The following RDH16 variants were observed in gnomAD, a reference collection of about 807,000 sequenced individuals.
RDH16 encodes the protein human epidermal retinol dehydrogenase.
In RDH16, 25 loss-of-function variants were observed where a neutral mutation model predicts 22.3. The observed-to-expected ratio is 1.12, with a 90% confidence interval of 0.82 to 1.56. RDH16 has a LOEUF of 1.56. Ranked by LOEUF, RDH16 falls within the 40% of genes most tolerant of loss-of-function variation. The probability of loss-of-function intolerance (pLI) is 0.00; values close to 1 mark genes in which losing one functional copy is unlikely to be tolerated. For synonymous variants in RDH16, 154 were observed against 164.4 expected (o/e 0.94, Z 0.48); for missense variants, 413 against 394.9 (o/e 1.05, Z -0.39).
Position 56,957,594 on chromosome 12 carries a change from C to T in RDH16, c.-132G>A. The T allele has an allele frequency of 1.1e-6, 1 of 939,538 alleles. No homozygotes were observed. Among genetic ancestry groups the T allele is most frequent in the Non-Finnish European group, 1.6e-6 (1 of 625,786 alleles). The allele number at this position is 939,538 out of a possible 1,614,324, so 58.2% of individuals were successfully genotyped here. On this transcript the variant is annotated 5_prime_UTR_variant, in exon 1 of 4. Transcript: ENST00000398138. ...CCCTCAGGCATTTTGGCAGGGAATC[C>T]TCACTTTCCTCCCTGATGACTGCCT...
Position 56,952,119 on chromosome 12 carries a change from C to A in RDH16, c.864G>T (p.Lys288Asn). Residue 288 changes from lysine to asparagine, a missense_variant, in exon 4 of 4, where the codon AAG becomes AAT. Coordinates refer to ENST00000398138, the MANE Select transcript of RDH16 (RefSeq NM_003708.5). Reference protein sequence around the residue: ...RTRYSAGWDAKLLYLPMSYMP... With the variant: ...RTRYSAGWDANLLYLPMSYMP... The stretch of plus-strand genomic sequence containing the variant: ...TGTAGCTCATGGGGAGGTAGAGAAG[C>A]TTGGCATCCCAGCCAGCTGAGTAGC... 1.2e-6 allele frequency: 2 copies of A among 1,614,158 alleles called. No homozygotes were observed. The highest frequency in any genetic ancestry group is 3.3e-5 in the Admixed American group (2 of 60,020).
intron 2 of RDH16, among the ~76,000 whole-genome samples, chr12:56,953,753 TC>T (rs1955903627): frequency 6.6e-6 from 1 of 152,046 alleles, no homozygotes; most frequent in Non-Finnish European, 1.5e-5. Flanking sequence ...GAGTTCTCAA[TC>T]CCCAGCTTGA....
In RDH16 at chr12:56,951,927, C is replaced by A; in HGVS notation, c.*102G>T. Reference sequence around the variant, plus strand: ...TGAAGGAGGTGGGATTGGTGCCCTACTGACCGGACGGCTCCCTCCCTCCAC... The same window carrying A: ...TGAAGGAGGTGGGATTGGTGCCCTAATGACCGGACGGCTCCCTCCCTCCAC... On this transcript the variant is annotated 3_prime_UTR_variant, in exon 4 of 4. Coordinates refer to ENST00000398138, the MANE Select transcript of RDH16 (RefSeq NM_003708.5). The A allele has an allele frequency of 1.1e-6, 1 of 925,500 alleles. No homozygotes were observed. The allele number at this position is 925,500 out of a possible 1,614,324, so 57.3% of individuals were successfully genotyped here.
chr12:56,955,005 C>A lies in RDH16; in HGVS notation c.473G>T (p.Arg158Leu), dbSNP rs200197274. 1.2e-5 allele frequency: 20 copies of A among 1,614,072 alleles called. No individual in the cohort carries two copies. Among genetic ancestry groups the A allele is most frequent in the Non-Finnish European group, 1.7e-5 (20 of 1,180,040 alleles). Residue 158 changes from arginine to leucine, a missense_variant, in exon 2 of 4, where the codon CGT becomes CTT. Arg to Leu is a moderately radical substitution (Grantham distance 102, BLOSUM62 -2). Transcript: ENST00000398138. ...LLPLVRRARGRVVNVSSVMGR... is the reference protein window; with the variant it reads ...LLPLVRRARGLVVNVSSVMGR... ...CATGACACTGGAGACGTTGACCACA[C>A]GGCCCCTGGCCCTCCTCACTAAGGG...
At position 56,957,396 on chromosome 12, in the gene RDH16, C is replaced by A. The variant is rs377361228; in HGVS notation, c.67G>T (p.Val23Leu). The A allele has an allele frequency of 1.2e-6, 2 of 1,614,158 alleles. No homozygotes were observed. Among genetic ancestry groups the A allele is most frequent in the Admixed American group, 1.7e-5 (1 of 60,026 alleles). ...YLLHWYRERQVLSHLRDKYVF... is the reference protein window; with the variant it reads ...YLLHWYRERQLLSHLRDKYVF... ...TACTTATCTCTCAGGTGGCTCAGCA[C>A]CTGCCTCTCCCGGTACCAGTGCAGA... Residue 23 changes from valine (V) to leucine (L), a missense_variant, in exon 1 of 4, where the codon GTG becomes TTG. Physicochemically the swap from Val to Leu is conservative, Grantham distance 32. Transcript: ENST00000398138.
In RDH16 at chr12:56,957,417, G is replaced by A. The variant is rs1161140654; in HGVS notation, c.46C>T (p.His16Tyr). Residue 16 changes from histidine to tyrosine, a missense_variant, in exon 1 of 4, where the codon CAC becomes TAC. Coordinates refer to ENST00000398138, the MANE Select transcript of RDH16 (RefSeq NM_003708.5). ...AGCACCTGCCTCTCCCGGTACCAGT[G>A]CAGAAGGTAGTACAGGCCCACGAAA... The part of the protein sequence containing the change: ...AVFVGLYYLL[H>Y]WYRERQVLSH... The A allele has an allele frequency of 9.3e-6, 15 of 1,613,998 alleles. No homozygotes were observed. In the Admixed American group the frequency reaches 2.5e-4, roughly 27 times the overall value.
At chr12:56,952,318 T>A in intron 3 of RDH16, 72 bp from the exon 4 acceptor site, 1 of 1,428,166 alleles carries the variant, frequency 7.0e-7, no homozygotes, top group Non-Finnish European at 9.6e-7. Flanking sequence ...CAACTTAGAG[T>A]GGAAAGGGTC....
In RDH16 at chr12:56,951,988, G is replaced by A; in HGVS notation, c.*41C>T. On this transcript the variant is annotated 3_prime_UTR_variant, in exon 4 of 4. Coordinates refer to ENST00000398138, the MANE Select transcript of RDH16 (RefSeq NM_003708.5). ...TCCCAAGGATACACCACCCCTCATA[G>A]CACACCCCAAATCCATGCAACCATG... 6.3e-7 allele frequency: 1 copy of A among 1,578,796 alleles called. No individual in the cohort carries two copies. The highest frequency in any genetic ancestry group is 8.7e-7 in the Non-Finnish European group (1 of 1,149,270).
Position 56,952,223 on chromosome 12 carries a change from C to G in RDH16, c.760G>C (p.Glu254Gln), listed in dbSNP as rs763784087. 1 of 1,614,072 alleles carries G rather than the reference C, an allele frequency of 6.2e-7. No individual in the cohort carries two copies. The highest frequency in any genetic ancestry group is 2.2e-5 in the East Asian group (1 of 44,882). Residue 254 changes from glutamate (E) to glutamine (Q), a missense_variant, in exon 4 of 4, where the codon GAG (glutamate) becomes CAG (glutamine). Transcript: ENST00000398138. The part of the protein sequence containing the change: ...ADYKKSAEQM[E>Q]QKCTQDLSLV... ...GACAGATCCTGTGTGCACTTCTGCT[C>G]CATTTGTTCAGCTGATTTCTTATCT...
intron 3 of RDH16, among the ~76,000 whole-genome samples, chr12:56,952,617 A>C (rs890085569): frequency 6.6e-6 from 1 of 152,152 alleles, no homozygotes; most frequent in African/African-American, 2.4e-5. Context: ...TCAGATAGAC[A>C]CTGGTCCCAA....
intron 3 of RDH16, 117 bp from the exon 4 acceptor site, chr12:56,952,363 G>T: frequency 2.2e-6 from 2 of 913,324 alleles, no homozygotes; most frequent in Non-Finnish European, 3.3e-6. Flanking sequence ...CCCCAGTCAA[G>T]CAATGCCTCA....
intron 3 of RDH16, 81 bp from the exon 4 acceptor site, chr12:56,952,327 T>C (rs1955889251): frequency 1.5e-6 from 2 of 1,335,620 alleles, no homozygotes. Context: ...GTGGAAAGGG[T>C]CTAAGAACTC....
chr12:56,951,910 G>A lies in RDH16; in HGVS notation c.*119C>T. ...TCATGGCCAGGAGGTAATGAAGGAGGTGGGATTGGTGCCCTACTGACCGGA... is the reference window on the plus strand; with the variant it reads ...TCATGGCCAGGAGGTAATGAAGGAGATGGGATTGGTGCCCTACTGACCGGA... On this transcript the variant is annotated 3_prime_UTR_variant, in exon 4 of 4. Coordinates refer to ENST00000398138, the MANE Select transcript of RDH16 (RefSeq NM_003708.5). 1 of 718,318 alleles carries A rather than the reference G, an allele frequency of 1.4e-6. No homozygotes were observed. The highest frequency in any genetic ancestry group is 2.4e-6 in the Non-Finnish European group (1 of 418,482). The allele number at this position is 718,318 out of a possible 1,614,324, so 44.5% of individuals were successfully genotyped here. A position where few individuals can be genotyped will look rare whatever the true frequency, so the allele number is the denominator to read the frequency against.
chr12:56,957,068 A>G (rs1273403118), intron 1 of RDH16, 82 bp downstream of exon 1: 2 of 1,356,766 alleles, frequency 1.5e-6, no homozygotes, highest in East Asian at 4.6e-5. Context: ...ACACTGTAGG[A>G]ATCTTCCCAG....
chr12:56,952,812 C>T lies in RDH16; in HGVS notation c.736+15G>A. ...GAGGGTTTGCTTCTCTCCCCACTGT[C>T]CACAGCTTACTCACAGTCTGCAACA... On this transcript the variant is annotated intron_variant, in intron 3 of 3. Coordinates refer to ENST00000398138, the MANE Select transcript of RDH16 (RefSeq NM_003708.5). 1 of 1,610,394 alleles carries T rather than the reference C, an allele frequency of 6.2e-7. No individual in the cohort carries two copies. The highest frequency in any genetic ancestry group is 8.5e-7 in the Non-Finnish European group (1 of 1,178,212).
At chr12:56,956,605 A>T (rs1955930567) in intron 1 of RDH16, among the ~76,000 whole-genome samples, 1 of 152,172 alleles carries the variant, frequency 6.6e-6, no homozygotes, top group Admixed American at 6.5e-5. Context: ...TGAAAAGAAG[A>T]AAGAAAGAAA....
chr12:56,953,652 T>C (rs1044804256), intron 2 of RDH16, among the ~76,000 whole-genome samples: 24 of 152,186 alleles, frequency 1.6e-4, no homozygotes, highest in Admixed American at 8.5e-4. Flanking sequence ...CTGCAGTACA[T>C]GCAGGTGGCT....
Position 56,952,984 on chromosome 12 carries a change from T to C in RDH16, c.579A>G (p.Glu193=). 6.2e-7 allele frequency: 1 copy of C among 1,610,138 alleles called. No homozygotes were observed. Among genetic ancestry groups the C allele is most frequent in the Non-Finnish European group, 8.5e-7 (1 of 1,178,186 alleles). Reference sequence around the variant, plus strand: ...CCACCTTCACCCCAAAGTAGGAGAGTTCCCTCCTGCAAGACAGAGAAGCAG... The same window carrying C: ...CCACCTTCACCCCAAAGTAGGAGAGCTCCCTCCTGCAAGACAGAGAAGCAG... The part of the protein sequence containing the change: ...VEAFSDSLRR[E]LSYFGVKVAM... Residue 193 remains glutamate (E), a synonymous_variant, in exon 3 of 4, where the codon GAA becomes GAG. Coordinates refer to ENST00000398138, the MANE Select transcript of RDH16 (RefSeq NM_003708.5).
Position 56,957,432 on chromosome 12 carries a change from G to A in RDH16, c.31C>T (p.Leu11=). Residue 11 remains leucine, a synonymous_variant, in exon 1 of 4, where the codon CTG becomes TTG. Transcript: ENST00000398138. ...CGGTACCAGTGCAGAAGGTAGTACAGGCCCACGAAAACCGCCAGGTAGAGC... is the reference window on the plus strand; with the variant it reads ...CGGTACCAGTGCAGAAGGTAGTACAAGCCCACGAAAACCGCCAGGTAGAGC... MWLYLAVFVG[L]YYLLHWYRER... is the part of the protein sequence containing the mutation. The A allele has an allele frequency of 6.2e-7, 1 of 1,613,262 alleles. No individual in the cohort carries two copies. Among genetic ancestry groups the A allele is most frequent in the Non-Finnish European group, 8.5e-7 (1 of 1,179,354 alleles).
Sources: allele counts gnomAD v4.1 joint callset (sites outside exome capture counted in the v4.1 genomes callset), GRCh38; gene constraint gnomAD v4.1.1; transcripts MANE v1.5; gene names NCBI Gene and HGNC (gene_info 2026-07-23, HGNC 2026-07-21).